The following C6 variants were observed in gnomAD, a reference collection of about 807,000 sequenced individuals.
C6 encodes complement component C6.
Under a neutral mutation model 112.9 loss-of-function variants are expected in C6, and 101 were observed. The observed-to-expected ratio is 0.89, with a 90% CI of 0.76 to 1.06. The LOEUF (loss-of-function observed/expected upper bound fraction) is 1.06. C6 is among the 50% of genes least tolerant of loss of function. The pLI is 0.00. For synonymous variants in C6, 431 were observed against 384.1 expected (o/e 1.12, Z -1.43); for missense variants, 1,202 against 1,104.6 (o/e 1.09, Z -1.25).
intron 1 of C6, among the ~76,000 whole-genome samples, chr5:41,238,515 C>A (rs569432875): frequency 7.2e-5 from 11 of 152,150 alleles, no homozygotes; most frequent in South Asian, 4.1e-4. Context: ...AGTCTATTCA[C>A]ACCAGAAGCG....
At chr5:41,226,808 T>C (rs1266589218) in intron 1 of C6, among the ~76,000 whole-genome samples, 1 of 152,060 alleles carries the variant, frequency 6.6e-6, no homozygotes, top group Non-Finnish European at 1.5e-5. Context: ...TAAGGCTAAA[T>C]AGTATTCATT....
chr5:41,181,224 AT>A, intron 7 of C6, 134 bp downstream of exon 7: 1 of 768,444 alleles, frequency 1.3e-6, no homozygotes, highest in Non-Finnish European at 2.1e-6. Flanking sequence ...ATAACAAAAA[AT>A]GGAAAAATTA....
At chr5:41,233,729 T>G (rs536927839) in intron 1 of C6, among the ~76,000 whole-genome samples, 1 of 152,006 alleles carries the variant, frequency 6.6e-6, no homozygotes, top group Non-Finnish European at 1.5e-5. Context: ...AAAAGACCTA[T>G]CTAATCTTAG....
chr5:41,252,501 A>T (rs1013124572), intron 1 of C6, among the ~76,000 whole-genome samples: 1 of 152,218 alleles, frequency 6.6e-6, no homozygotes, highest in Non-Finnish European at 1.5e-5. Context: ...CTCCAACCTG[A>T]TTCTGATATA....
chr5:41,245,441 G>C (rs941847961), intron 1 of C6, among the ~76,000 whole-genome samples: 1 of 152,010 alleles, frequency 6.6e-6, no homozygotes, highest in African/African-American at 2.4e-5. Flanking sequence ...AGAATCGCTT[G>C]AACTCATGGG....
At chr5:41,203,574 TTACCCTTCTCAAA>T in intron 1 of C6, 1 of 301,558 alleles carries the variant, frequency 3.3e-6, no homozygotes. Flanking sequence ...TTATACAGTC[TTACCCTTCTCAAA>T]ACACCTGCTC....
At chr5:41,149,848 C>T (rs1746212011) in intron 16 of C6, 87 bp downstream of exon 16, 2 of 881,202 alleles carry the variant, frequency 2.3e-6, no homozygotes, top group Non-Finnish European at 3.9e-6. Flanking sequence ...CATGTCTGTG[C>T]TTCAAAAAGC....
Position 41,161,816 on chromosome 5 carries a change from T to A in C6, c.1335A>T (p.Arg445=). The A allele has an allele frequency of 6.2e-7, 1 of 1,613,652 alleles. No homozygotes were observed. Among genetic ancestry groups the A allele is most frequent in the Non-Finnish European group, 8.5e-7 (1 of 1,179,682 alleles). The change falls in exon 10 of 18, where the codon CGA becomes CGT. Residue 445 remains arginine, a synonymous_variant. Coordinates refer to ENST00000337836, the MANE Select transcript of C6 (RefSeq NM_000065.5). The part of the protein sequence containing the change: ...QGAEKSISLI[R]GGRSEYGAAL... ...CTGCTCCATATTCACTCCTTCCACC[T>A]CGAATCAGGGATATGGATTTCTCTG...
intron 2 of C6, 31 bp from the exon 3 acceptor site, chr5:41,201,745 T>C (rs1041887585): frequency 6.3e-7 from 1 of 1,584,524 alleles, no homozygotes; most frequent in African/African-American, 1.3e-5. Flanking sequence ...TTGCTTAGAA[T>C]GAGTGTATTC....
At chr5:41,216,648 T>A (rs1451228600), upstream of C6, among the ~76,000 whole-genome samples, 1 of 152,182 alleles carries the variant, frequency 6.6e-6, no homozygotes, top group African/African-American at 2.4e-5. Flanking sequence ...ATTTAGCTTT[T>A]ATCTTTGAAG....
chr5:41,181,628 GA>G lies in C6; in HGVS notation c.727-70del. On this transcript the variant is annotated intron_variant, in intron 6 of 17. Transcript: ENST00000337836. Reference sequence around the variant, plus strand: ...CTGGAGCGACTTGTGGATATCTAATGAAATGATGATTTATTTATTTATGCAC... The same window carrying G: ...CTGGAGCGACTTGTGGATATCTAATGAATGATGATTTATTTATTTATGCAC... The G allele has an allele frequency of 3.2e-6, 4 of 1,241,268 alleles. No homozygotes were observed. The South Asian group carries it at 3.8e-5, about 12-fold the overall frequency. The allele number at this position is 1,241,268 out of a possible 1,614,324, so 76.9% of individuals were successfully genotyped here.
intron 6 of C6, among the ~76,000 whole-genome samples, chr5:41,184,966 A>G (rs1223922200): frequency 6.6e-6 from 1 of 152,170 alleles, no homozygotes; most frequent in Non-Finnish European, 1.5e-5. Flanking sequence ...TACTTGTAAA[A>G]CTACATGAAA....
intron 16 of C6, 119 bp from the exon 17 acceptor site, chr5:41,149,601 C>A (rs933287677): frequency 1.6e-6 from 2 of 1,281,972 alleles, no homozygotes; most frequent in East Asian, 2.3e-5. Flanking sequence ...TTCCCCACCC[C>A]ACTCCAAGCC....
At chr5:41,169,938 T>C (rs1748288059) in intron 9 of C6, among the ~76,000 whole-genome samples, 1 of 152,190 alleles carries the variant, frequency 6.6e-6, no homozygotes, top group South Asian at 2.1e-4. Flanking sequence ...ATTATTCCAA[T>C]TGGTTTTTCA....
At chr5:41,215,239 C>T (rs1460642997), upstream of C6, among the ~76,000 whole-genome samples, 1 of 152,124 alleles carries the variant, frequency 6.6e-6, no homozygotes, top group Non-Finnish European at 1.5e-5. Context: ...AACAGAGGCT[C>T]TCCAGCCTGA....
At chr5:41,188,894 G>A (rs183986797) in intron 5 of C6, among the ~76,000 whole-genome samples, 31 of 151,908 alleles carry the variant, frequency 2.0e-4, no homozygotes, top group Admixed American at 1.8e-3. Context: ...CTTACACCCA[G>A]AATATACAAA....
At chr5:41,155,873 T>A (rs902919217) in intron 13 of C6, among the ~76,000 whole-genome samples, 1 of 152,072 alleles carries the variant, frequency 6.6e-6, no homozygotes, top group African/African-American at 2.4e-5. Context: ...ATAAACTGAA[T>A]AAATAATATA....
chr5:41,239,433 G>A (rs1740557395), intron 1 of C6, among the ~76,000 whole-genome samples: 1 of 151,988 alleles, frequency 6.6e-6, no homozygotes, highest in South Asian at 2.1e-4. Flanking sequence ...ATTTCTATGT[G>A]TTGGGAATGT....
intron 5 of C6, among the ~76,000 whole-genome samples, chr5:41,188,701 C>A (rs1211562559): frequency 1.3e-5 from 2 of 151,930 alleles, no homozygotes; most frequent in African/African-American, 4.8e-5. Context: ...TATTTGTGAA[C>A]TCCAGTAAGA....
Sources: gnomAD v4.1 joint callset for allele counts (sites outside exome capture counted in the v4.1 genomes callset) on GRCh38, gnomAD v4.1.1 for gene constraint, MANE v1.5 for transcripts, NCBI Gene and HGNC (gene_info 2026-07-23, HGNC 2026-07-21) for gene names.